NKAIN2: variants seen among roughly 807,000 people sequenced by gnomAD.
NKAIN2 encodes sodium/potassium-transporting ATPase subunit beta-1-interacting protein 2.
Under a neutral mutation model 32.6 loss-of-function variants are expected in NKAIN2, and 14 were observed. That is an observed-to-expected ratio of 0.43 (90% CI 0.28 to 0.67). NKAIN2 has a LOEUF of 0.67. NKAIN2 is among the 30% of genes least tolerant of loss of function. The pLI, the probability that NKAIN2 is intolerant of heterozygous loss-of-function variation, is 0.17. For missense variants in NKAIN2, 198 were observed against 258.3 expected (o/e 0.77, Z 1.60); for synonymous variants, 80 against 87.2 (o/e 0.92, Z 0.46).
chr6:124,355,221 T>G lies in NKAIN2; in HGVS notation c.193-46T>G, dbSNP rs199920570. The G allele has an allele frequency of 1.1e-4, 144 of 1,272,060 alleles. No homozygotes were observed. In the African/African-American group the frequency reaches 1.9e-3, roughly 17 times the overall value. 78.8% of individuals were successfully genotyped at this position (1,272,060 alleles called of 1,614,324 possible). The stretch of plus-strand genomic sequence containing the variant: ...TCGTTTTATTTGAATCATACTCAAC[T>G]GATTCCAAATTAATTATACGTTATT... On this transcript the variant is annotated intron_variant, in intron 2 of 6. Transcript: ENST00000368417.
chr6:123,838,953 C>G (rs1018206922), intron 1 of NKAIN2, among the ~76,000 whole-genome samples: 1 of 152,192 alleles, frequency 6.6e-6, no homozygotes, highest in Non-Finnish European at 1.5e-5. Context: ...TAATGACTCT[C>G]TCTCACAATT....
At chr6:123,979,229 A>G (rs1778782861) in intron 1 of NKAIN2, among the ~76,000 whole-genome samples, 1 of 152,192 alleles carries the variant, frequency 6.6e-6, no homozygotes, top group Admixed American at 6.5e-5. Flanking sequence ...AAATATTTTA[A>G]TGTCAATTTA....
intron 3 of NKAIN2, among the ~76,000 whole-genome samples, chr6:124,488,139 G>T (rs563401951): frequency 1.9e-4 from 29 of 152,098 alleles, no homozygotes; most frequent in African/African-American, 7.0e-4. Flanking sequence ...AGGAACTACT[G>T]TGTATGAGTC....
intron 1 of NKAIN2, among the ~76,000 whole-genome samples, chr6:123,820,223 A>G (rs1325338325): frequency 6.6e-6 from 1 of 152,214 alleles, no homozygotes; most frequent in Non-Finnish European, 1.5e-5. Flanking sequence ...TGGCCAATGC[A>G]AAGGATACAT....
intron 1 of NKAIN2, among the ~76,000 whole-genome samples, chr6:124,132,080 G>T (rs1041699862): frequency 1.3e-5 from 2 of 152,180 alleles, no homozygotes; most frequent in Admixed American, 1.3e-4. Flanking sequence ...ATGGGGCACT[G>T]CAGGAGCAAG....
chr6:124,414,782 A>G (rs1344198350), intron 3 of NKAIN2, among the ~76,000 whole-genome samples: 1 of 152,186 alleles, frequency 6.6e-6, no homozygotes, highest in Non-Finnish European at 1.5e-5. Context: ...AGTATTGAAT[A>G]TGTTAGTCCC....
At chr6:124,098,166 A>G (rs1408930290) in intron 1 of NKAIN2, among the ~76,000 whole-genome samples, 1 of 152,182 alleles carries the variant, frequency 6.6e-6, no homozygotes, top group East Asian at 1.9e-4. Flanking sequence ...AATGGTCTTT[A>G]TTGTTCCTAC....
At chr6:124,217,085 G>A (rs1216817470) in intron 1 of NKAIN2, among the ~76,000 whole-genome samples, 6 of 152,026 alleles carry the variant, frequency 3.9e-5, no homozygotes, top group Non-Finnish European at 7.4e-5. Context: ...AATGGTGAGA[G>A]GATGGCAAAA....
At chr6:124,564,379 A>G (rs1780820532) in intron 3 of NKAIN2, among the ~76,000 whole-genome samples, 1 of 152,274 alleles carries the variant, frequency 6.6e-6, no homozygotes, top group Non-Finnish European at 1.5e-5. Context: ...AGCACTCTAT[A>G]AAATGGACCA....
chr6:124,040,820 G>A (rs1423875158), intron 1 of NKAIN2, among the ~76,000 whole-genome samples: 1 of 151,890 alleles, frequency 6.6e-6, no homozygotes, highest in Non-Finnish European at 1.5e-5. Context: ...GAATGAAAGT[G>A]GTACTTATTT....
At chr6:124,790,619 A>G (rs1057275806) in intron 4 of NKAIN2, among the ~76,000 whole-genome samples, 15 of 152,070 alleles carry the variant, frequency 9.9e-5, no homozygotes, top group Admixed American at 5.2e-4. Context: ...CTAAGTAAAT[A>G]TTGTACTAAT....
intron 3 of NKAIN2, among the ~76,000 whole-genome samples, chr6:124,561,850 G>C (rs1024159557): frequency 2.0e-5 from 3 of 152,196 alleles, no homozygotes; most frequent in African/African-American, 4.8e-5. Context: ...ATCTGCAGCT[G>C]TCAGCTCTCT....
intron 2 of NKAIN2, among the ~76,000 whole-genome samples, chr6:124,304,210 T>C (rs1402307364): frequency 6.6e-6 from 1 of 152,154 alleles, no homozygotes; most frequent in Non-Finnish European, 1.5e-5. Context: ...AAATAATAAT[T>C]AACTCATTTC....
intron 1 of NKAIN2, among the ~76,000 whole-genome samples, chr6:123,855,186 C>T (rs968225988): frequency 2.0e-5 from 3 of 152,042 alleles, no homozygotes; most frequent in African/African-American, 4.8e-5. Flanking sequence ...TTAAATTTAT[C>T]GCATTTATGA....
chr6:124,160,067 G>A (rs1230125157), intron 1 of NKAIN2, among the ~76,000 whole-genome samples: 1 of 152,106 alleles, frequency 6.6e-6, no homozygotes, highest in Non-Finnish European at 1.5e-5. Context: ...TGGAAGATGT[G>A]GGATAAACCC....
At chr6:124,298,830 G>T (rs1796173412) in intron 2 of NKAIN2, among the ~76,000 whole-genome samples, 1 of 152,092 alleles carries the variant, frequency 6.6e-6, no homozygotes, top group Admixed American at 6.6e-5. Flanking sequence ...ATGGTTTCAT[G>T]TAAGGGCTGC....
intron 4 of NKAIN2, among the ~76,000 whole-genome samples, chr6:124,765,663 C>T (rs1474258481): frequency 6.6e-6 from 1 of 152,192 alleles, no homozygotes; most frequent in Non-Finnish European, 1.5e-5. Flanking sequence ...AGCATTAATG[C>T]CTCATCTTCC....
chr6:123,882,958 G>A (rs1397466816), intron 1 of NKAIN2, among the ~76,000 whole-genome samples: 1 of 151,826 alleles, frequency 6.6e-6, no homozygotes, highest in Non-Finnish European at 1.5e-5. Context: ...TTCTTGTTTG[G>A]TCTGGGGTGT....
chr6:123,910,454 T>G (rs1775112841), intron 1 of NKAIN2, among the ~76,000 whole-genome samples: 1 of 151,960 alleles, frequency 6.6e-6, no homozygotes, highest in Non-Finnish European at 1.5e-5. Context: ...TATGCATTTG[T>G]TTCATAAACT....
Sources: gnomAD v4.1 joint callset for allele counts (sites outside exome capture counted in the v4.1 genomes callset) on GRCh38, gnomAD v4.1.1 for gene constraint, MANE v1.5 for transcripts, NCBI Gene and HGNC (gene_info 2026-07-23, HGNC 2026-07-21) for gene names.